SRGAP1: variants seen among roughly 807,000 people sequenced by gnomAD.
SRGAP1 encodes the protein SLIT-ROBO Rho GTPase activating protein 1.
SRGAP1 carries 43 observed loss-of-function variants against 121.9 expected under a neutral mutation model. That is an observed-to-expected ratio of 0.35 (90% CI 0.28 to 0.46). The LOEUF is 0.46. Ranked by LOEUF, SRGAP1 falls within the 20% of genes least tolerant of loss-of-function variation. The pLI is 1.00. For missense variants in SRGAP1, 1,102 were observed against 1,350.9 expected (o/e 0.82, Z 2.89); for synonymous variants, 447 against 485.4 (o/e 0.92, Z 1.04).
At chr12:64,113,194 G>A (rs1303435750) in intron 17 of SRGAP1, among the ~76,000 whole-genome samples, 1 of 151,966 alleles carries the variant, frequency 6.6e-6, no homozygotes, top group Non-Finnish European at 1.5e-5. Flanking sequence ...GATCACTTGA[G>A]GTCAGGAGTT....
chr12:63,848,025 A>AT lies in SRGAP1; in HGVS notation c.67+3142_67+3143insT, dbSNP rs1238437248. On this transcript the variant is annotated intron_variant, in intron 1 of 21. Transcript: ENST00000355086. The stretch of plus-strand genomic sequence containing the variant: ...TTTTATTTTATATATATATATATAT[A>AT]AAAGGAGTATCGGTCTGCTGCCCAG... Among the ~76,000 whole-genome samples, 729 of 150,952 alleles carry AT rather than the reference A, an allele frequency of 4.8e-3. 8 individuals are homozygous for AT. Among genetic ancestry groups the AT allele is most frequent in the African/African-American group, 0.017 (696 of 41,194 alleles).
chr12:63,958,742 A>G (rs2032548769), intron 1 of SRGAP1, among the ~76,000 whole-genome samples: 2 of 152,208 alleles, frequency 1.3e-5, no homozygotes, highest in Non-Finnish European at 2.9e-5. Flanking sequence ...CCCAATGATG[A>G]ATTGAAATTA....
intron 1 of SRGAP1, among the ~76,000 whole-genome samples, chr12:63,930,743 C>T (rs1402439005): frequency 1.3e-5 from 2 of 151,500 alleles, no homozygotes; most frequent in African/African-American, 4.9e-5. Flanking sequence ...TGATCTTACT[C>T]ATTGGGATTG....
intron 1 of SRGAP1, among the ~76,000 whole-genome samples, chr12:63,933,232 T>TAAC (rs1447420540): frequency 6.6e-6 from 1 of 151,970 alleles, no homozygotes; most frequent in Non-Finnish European, 1.5e-5. Flanking sequence ...TTAAGTATAA[T>TAAC]AATAATAATA....
At chr12:63,929,384 T>C (rs2031378031) in intron 1 of SRGAP1, among the ~76,000 whole-genome samples, 1 of 152,226 alleles carries the variant, frequency 6.6e-6, no homozygotes, top group Non-Finnish European at 1.5e-5. Flanking sequence ...TAAGTTCTTG[T>C]TAAATAAAAT....
At chr12:64,002,796 C>A (rs2033942640) in intron 3 of SRGAP1, among the ~76,000 whole-genome samples, 1 of 152,004 alleles carries the variant, frequency 6.6e-6, no homozygotes, top group African/African-American at 2.4e-5. Context: ...AGATTGATTT[C>A]CTGATAGAAT....
intron 6 of SRGAP1, among the ~76,000 whole-genome samples, chr12:64,061,416 A>T (rs928673378): frequency 1.1e-4 from 17 of 152,246 alleles, no homozygotes. Context: ...GTGTATTTGC[A>T]ACCTACACAG....
At chr12:63,873,178 C>T (rs987638866) in intron 1 of SRGAP1, among the ~76,000 whole-genome samples, 8 of 152,094 alleles carry the variant, frequency 5.3e-5, no homozygotes, top group African/African-American at 1.9e-4. Flanking sequence ...TTAAATCTCA[C>T]AAGAAATATA....
intron 1 of SRGAP1, among the ~76,000 whole-genome samples, chr12:63,979,102 C>T (rs111540207): frequency 4.7e-4 from 65 of 137,534 alleles, no homozygotes; most frequent in Non-Finnish European, 7.9e-4. Flanking sequence ...TGCAGTGGCA[C>T]GATCTTGGCT....
At position 64,142,521 on chromosome 12, in the gene SRGAP1, G is replaced by A. The variant is rs145138564; in HGVS notation, c.3107G>A (p.Ser1036Asn). ...ACGAGCTCCTCCAGTGACACAATGAGTACTTTCAAGCCTATGGTGGCACCC... is the reference window on the plus strand; with the variant it reads ...ACGAGCTCCTCCAGTGACACAATGAATACTTTCAAGCCTATGGTGGCACCC... ...RSTSSSSDTMSTFKPMVAPRM... is the reference protein window; with the variant it reads ...RSTSSSSDTMNTFKPMVAPRM... Residue 1036 changes from serine to asparagine, a missense_variant, in exon 22 of 22, where the codon AGT (serine) becomes AAT (asparagine). By Grantham distance (46) the Ser-to-Asn change is conservative. This residue lies in a region of SRGAP1 where 315 missense variants were observed against 343.1 expected (regional missense o/e 0.92). Transcript: ENST00000355086. The A allele has an allele frequency of 1.3e-4, 212 of 1,614,050 alleles. No homozygotes were observed. The highest frequency in any genetic ancestry group is 1.6e-4 in the Non-Finnish European group (186 of 1,180,046).
chr12:63,932,640 C>T (rs1052325801), intron 1 of SRGAP1, among the ~76,000 whole-genome samples: 3 of 152,020 alleles, frequency 2.0e-5, no homozygotes, highest in Non-Finnish European at 4.4e-5. Flanking sequence ...TTTCAAAGTC[C>T]TTGAAATATA....
rs201265715 is a variant in SRGAP1, at chr12:64,115,835, C to T, written c.2166C>T (p.His722=). The part of the protein sequence containing the change: ...DDYCDSPYSE[H]GTLEEVDQDA... The stretch of plus-strand genomic sequence containing the variant: ...ACAGCGACAGCCCATACAGTGAGCA[C>T]GGTACATTGGAGGAAGTGGACCAAG... The change falls in exon 18 of 22, where the codon CAC becomes CAT. Residue 722 remains histidine, a synonymous_variant. Coordinates refer to ENST00000355086, the MANE Select transcript of SRGAP1 (RefSeq NM_020762.4). The T allele has an allele frequency of 4.5e-5, 72 of 1,613,458 alleles. No homozygotes were observed. The highest frequency in any genetic ancestry group is 9.9e-5 in the South Asian group (9 of 90,970).
At chr12:63,872,036 G>A (rs905330590) in intron 1 of SRGAP1, 13 of 788,348 alleles carry the variant, frequency 1.6e-5, no homozygotes, top group Non-Finnish European at 2.0e-5. Context: ...GTTTAGGTAC[G>A]TTGACCATCT....
intron 11 of SRGAP1, among the ~76,000 whole-genome samples, chr12:64,090,068 G>T (rs1023001316): frequency 6.6e-6 from 1 of 152,090 alleles, no homozygotes; most frequent in Non-Finnish European, 1.5e-5. Context: ...AGTTAAAAAG[G>T]AGTTTTACAT....
At chr12:64,006,855 G>C (rs528732589) in intron 3 of SRGAP1, among the ~76,000 whole-genome samples, 1 of 152,126 alleles carries the variant, frequency 6.6e-6, no homozygotes, top group Non-Finnish European at 1.5e-5. Context: ...AGCCCTGTTA[G>C]TAATTTAAAT....
chr12:63,845,390 C>A (rs762656933), intron 1 of SRGAP1, among the ~76,000 whole-genome samples: 1 of 152,112 alleles, frequency 6.6e-6, no homozygotes, highest in Non-Finnish European at 1.5e-5. Context: ...TTTATTAGGG[C>A]GAGACCCCTT....
intron 1 of SRGAP1, among the ~76,000 whole-genome samples, chr12:63,885,331 A>AG (rs1389525846): frequency 1.3e-5 from 2 of 152,140 alleles, no homozygotes; most frequent in African/African-American, 4.8e-5. Flanking sequence ...GATATTACAA[A>AG]GGATACAGAT....
At chr12:63,894,235 G>T (rs1009353112) in intron 1 of SRGAP1, among the ~76,000 whole-genome samples, 1 of 152,116 alleles carries the variant, frequency 6.6e-6, no homozygotes, top group South Asian at 2.1e-4. Flanking sequence ...GTACTGTACA[G>T]ATTTTTAATG....
At chr12:63,855,473 G>GTTTTTTGTTTTTTTTTTT (rs1899208078) in intron 1 of SRGAP1, among the ~76,000 whole-genome samples, 3 of 52,938 alleles carry the variant, frequency 5.7e-5, no homozygotes, top group African/African-American at 2.1e-4. Flanking sequence ...GAAAAATGGT[G>GTTTTTTGTTTTTTTTTTT]TTTTTTTTTT....
Sources: gnomAD v4.1 joint callset for allele counts (sites outside exome capture counted in the v4.1 genomes callset) on GRCh38, gnomAD v4.1.1 for gene constraint, gnomAD v4.1.1 regional missense constraint, MANE v1.5 for transcripts, NCBI Gene and HGNC (gene_info 2026-07-23, HGNC 2026-07-21) for gene names.